Variants in PTPN4 observed in about 807,000 individuals in gnomAD.
PTPN4 encodes the protein protein tyrosine phosphatase non-receptor type 4.
PTPN4 carries 49 observed loss-of-function variants against 135.5 expected under a neutral mutation model. The ratio of observed to expected loss-of-function variants is 0.36; its 90% confidence interval spans 0.29 to 0.46. PTPN4 has a LOEUF of 0.46. Ranked by LOEUF, PTPN4 falls within the 20% of genes least tolerant of loss-of-function variation. The pLI, the probability that PTPN4 is intolerant of heterozygous loss-of-function variation, is 1.00. For missense variants in PTPN4, 860 were observed against 1,101.0 expected (o/e 0.78, Z 3.10); for synonymous variants, 333 against 369.9 (o/e 0.90, Z 1.14).
chr2:119,760,458 G>A, intron 1 of PTPN4, 74 bp downstream of exon 1: 1 of 389,206 alleles, frequency 2.6e-6, no homozygotes, highest in Non-Finnish European at 4.5e-6. Context: ...TGCATGTGTG[G>A]CTCCTGGGAG....
rs75885804 is a variant in PTPN4 at position 119,959,289 on chromosome 2, A to T, written c.2134-1518A>T. 3.2e-4 allele frequency among the ~76,000 whole-genome samples: 48 copies of T among 152,352 alleles called. No homozygotes were observed. The East Asian group carries it at 9.3e-3, about 29-fold the overall frequency. ...CACAATACTATTTTAACACTTAGAA[A>T]AATAATATCAGAGTTAAATGAAAAA... On this transcript the variant is annotated intron_variant, in intron 22 of 26. Transcript: ENST00000263708.
intron 1 of PTPN4, among the ~76,000 whole-genome samples, chr2:119,786,322 G>A (rs112541476): frequency 2.0e-5 from 3 of 152,246 alleles, no homozygotes; most frequent in African/African-American, 4.8e-5. Context: ...CAAACATACT[G>A]TATTGGTCTG....
intron 2 of PTPN4, among the ~76,000 whole-genome samples, chr2:119,839,737 T>G (rs1310492037): frequency 6.6e-6 from 1 of 152,230 alleles, no homozygotes; most frequent in Non-Finnish European, 1.5e-5. Context: ...GTGAAATTAT[T>G]GTACAAAATA....
At chr2:119,856,096 G>A (rs933093648) in intron 2 of PTPN4, among the ~76,000 whole-genome samples, 20 of 152,040 alleles carry the variant, frequency 1.3e-4, no homozygotes, top group Middle Eastern at 3.2e-3. Context: ...GAGCCACCGC[G>A]CCCAGCCTAT....
intron 1 of PTPN4, among the ~76,000 whole-genome samples, chr2:119,766,449 C>CGCGCGCGT (rs1209819421): frequency 4.6e-5 from 6 of 130,996 alleles, no homozygotes; most frequent in African/African-American, 1.6e-4. Context: ...CATGTGCGCG[C>CGCGCGCGT]GTGTGTGTGT....
intron 2 of PTPN4, among the ~76,000 whole-genome samples, chr2:119,834,999 T>A (rs139882172): frequency 4.8e-4 from 73 of 152,306 alleles, no homozygotes; most frequent in Admixed American, 8.5e-4. Flanking sequence ...TAGACAGCAT[T>A]TTTCATTTTC....
intron 10 of PTPN4, among the ~76,000 whole-genome samples, chr2:119,903,989 C>T (rs1405922670): frequency 6.6e-6 from 1 of 152,210 alleles, no homozygotes; most frequent in Non-Finnish European, 1.5e-5. Flanking sequence ...CCAGCCAACA[C>T]TATAGGTACA....
chr2:119,914,465 A>G (rs1678622506), intron 10 of PTPN4, among the ~76,000 whole-genome samples: 1 of 152,022 alleles, frequency 6.6e-6, no homozygotes, highest in Non-Finnish European at 1.5e-5. Flanking sequence ...TTAAAGTGTG[A>G]GAAGTTTATT....
intron 19 of PTPN4, 133 bp from the exon 20 acceptor site, chr2:119,955,024 C>T: frequency 1.3e-6 from 1 of 785,296 alleles, no homozygotes; most frequent in Non-Finnish European, 1.9e-6. Context: ...ACACCAGACT[C>T]AGATCTGGTG....
intron 10 of PTPN4, among the ~76,000 whole-genome samples, chr2:119,907,743 A>G (rs997588446): frequency 2.0e-5 from 3 of 152,242 alleles, no homozygotes; most frequent in Admixed American, 6.5e-5. Context: ...TGGTACTGGT[A>G]TTAAAATAGA....
intron 11 of PTPN4, chr2:119,915,554 A>G (rs553410326): frequency 2.9e-4 from 53 of 185,486 alleles, no homozygotes; most frequent in Non-Finnish European, 5.3e-4. Flanking sequence ...CATTTCATAT[A>G]TCCCTTTTTC....
At chr2:119,872,040 G>C (rs1677918814) in intron 3 of PTPN4, among the ~76,000 whole-genome samples, 1 of 152,168 alleles carries the variant, frequency 6.6e-6, no homozygotes, top group Non-Finnish European at 1.5e-5. Flanking sequence ...AAAATATTCA[G>C]ACGAGGATTT....
chr2:119,844,213 C>T (rs1677434818), intron 2 of PTPN4, among the ~76,000 whole-genome samples: 1 of 133,292 alleles, frequency 7.5e-6, no homozygotes, highest in African/African-American at 2.8e-5. Flanking sequence ...CTCCTCACTT[C>T]CCAGTAGGGG....
At chr2:119,838,957 G>C (rs1230455499) in intron 2 of PTPN4, among the ~76,000 whole-genome samples, 1 of 152,102 alleles carries the variant, frequency 6.6e-6, no homozygotes, top group Non-Finnish European at 1.5e-5. Context: ...CTTTCTTACA[G>C]TTAAGTGTTG....
intron 10 of PTPN4, among the ~76,000 whole-genome samples, chr2:119,906,104 A>G (rs998596610): frequency 1.3e-5 from 2 of 152,236 alleles, no homozygotes; most frequent in African/African-American, 2.4e-5. Context: ...AAAGCAATAA[A>G]GATCAGAGCA....
chr2:119,804,257 T>G (rs900217736), intron 1 of PTPN4, among the ~76,000 whole-genome samples: 16 of 152,208 alleles, frequency 1.1e-4, no homozygotes, highest in African/African-American at 3.6e-4. Context: ...GGACTACAGG[T>G]GCATGCCACC....
In PTPN4 at chr2:119,927,360, C is replaced by T. The variant is rs1047593100; in HGVS notation, c.1070+694C>T. Among the ~76,000 whole-genome samples the T allele has an allele frequency of 1.1e-4, 16 of 151,570 alleles. 1 individual carries two copies. The highest frequency in any genetic ancestry group is 3.2e-3 in the Middle Eastern group (1 of 316). The stretch of plus-strand genomic sequence containing the variant: ...TCGTGACCTCAGGTGATCCCCCCCA[C>T]CTTGGCCTCCCAAAGTGCTGGCATT... On this transcript the variant is annotated intron_variant, in intron 13 of 26. Transcript: ENST00000263708.
At chr2:119,892,538 G>A (rs1678255486) in intron 9 of PTPN4, among the ~76,000 whole-genome samples, 1 of 152,156 alleles carries the variant, frequency 6.6e-6, no homozygotes, top group Admixed American at 6.5e-5. Context: ...ATCTGAAAGA[G>A]CCATGCAAAC....
At position 119,763,115 on chromosome 2, in the gene PTPN4, T is replaced by C. The variant is rs1475952072; in HGVS notation, c.-18+2731T>C. Among the ~76,000 whole-genome samples, 5 of 152,178 alleles carry C rather than the reference T, an allele frequency of 3.3e-5. No individual in the cohort carries two copies. In the East Asian group the frequency reaches 9.6e-4, roughly 29 times the overall value. Reference sequence around the variant, plus strand: ...CATTGTCTAGGAACAGCATAATTTCTTATCTTTTGCATGAATGGGGAAAAA... The same window carrying C: ...CATTGTCTAGGAACAGCATAATTTCCTATCTTTTGCATGAATGGGGAAAAA... On this transcript the variant is annotated intron_variant, in intron 1 of 26. Transcript: ENST00000263708.
Sources: allele counts gnomAD v4.1 joint callset (sites outside exome capture counted in the v4.1 genomes callset), GRCh38; gene constraint gnomAD v4.1.1; transcripts MANE v1.5; gene names NCBI Gene and HGNC (gene_info 2026-07-23, HGNC 2026-07-21).